Variants in UBR2 observed in about 807,000 individuals in gnomAD.
The protein encoded by UBR2 is E3 ubiquitin-protein ligase UBR2.
UBR2 carries 92 observed loss-of-function variants against 247.9 expected under a neutral mutation model. The ratio of observed to expected loss-of-function variants is 0.37; its 90% CI spans 0.31 to 0.44. UBR2 has a LOEUF of 0.44. Among genes scored for constraint, UBR2 ranks in the 20% least tolerant of loss-of-function variants. The pLI is 1.00. For synonymous variants in UBR2, 672 were observed against 693.5 expected (o/e 0.97, Z 0.49); for missense variants, 1,613 against 2,112.6 (o/e 0.76, Z 4.64).
At chr6:42,576,522 C>CTTT (rs58739895) in intron 2 of UBR2, among the ~76,000 whole-genome samples, 274 of 86,110 alleles carry the variant, frequency 3.2e-3, no homozygotes, top group Non-Finnish European at 4.2e-3. Flanking sequence ...GCCTTTCCCT[C>CTTT]TTTTTTTTTT....
intron 7 of UBR2, among the ~76,000 whole-genome samples, chr6:42,609,509 T>A (rs531369694): frequency 6.6e-6 from 1 of 152,078 alleles, no homozygotes; most frequent in African/African-American, 2.4e-5. Flanking sequence ...AAACTTACTA[T>A]GTTAATATAT....
intron 25 of UBR2, among the ~76,000 whole-genome samples, chr6:42,654,467 G>A (rs1797316191): frequency 6.6e-6 from 1 of 152,198 alleles, no homozygotes; most frequent in Non-Finnish European, 1.5e-5. Context: ...GCTCACCCCT[G>A]TAATCCTAAC....
intron 31 of UBR2, among the ~76,000 whole-genome samples, chr6:42,662,906 G>T (rs1797897073): frequency 6.6e-6 from 1 of 151,742 alleles, no homozygotes; most frequent in African/African-American, 2.4e-5. Flanking sequence ...CTGCACTCCA[G>T]CCTGGGCGAC....
At position 42,692,610 on chromosome 6, in the gene UBR2, A is replaced by G. The variant is rs1562415103; in HGVS notation, c.*1437A>G. 6.6e-6 allele frequency: 1 copy of G among 152,178 alleles called. No homozygotes were observed. The highest frequency in any genetic ancestry group is 1.5e-5 in the Non-Finnish European group (1 of 68,042). The allele number at this position is 152,178 out of a possible 1,614,324, so 9.4% of individuals were successfully genotyped here. On this transcript the variant is annotated 3_prime_UTR_variant, in exon 47 of 47. Coordinates refer to ENST00000372901, the MANE Select transcript of UBR2 (RefSeq NM_001363705.2). ...AAGAGGCTCTTGGATTTTTTTAACC[A>G]ATGCAACTGACCCTTTCAATCAGTT... is the stretch of plus-strand genomic sequence containing the variant.
At chr6:42,677,564 G>A (rs985395192) in intron 40 of UBR2, among the ~76,000 whole-genome samples, 8 of 152,248 alleles carry the variant, frequency 5.3e-5, no homozygotes, top group African/African-American at 1.9e-4. Flanking sequence ...GATTGCTTGA[G>A]CCCAGGCATT....
At chr6:42,583,527 C>CTTTT (rs748195321) in intron 2 of UBR2, among the ~76,000 whole-genome samples, 2 of 128,896 alleles carry the variant, frequency 1.6e-5, no homozygotes, top group Non-Finnish European at 3.3e-5. Flanking sequence ...GATTACAGGG[C>CTTTT]TTTTTTTTTT....
In UBR2 at chr6:42,673,805, G is replaced by A. The variant is rs750129241; in HGVS notation, c.4101G>A (p.Arg1367=). 6 of 1,613,498 alleles carry A rather than the reference G, an allele frequency of 3.7e-6. No individual in the cohort carries two copies. The highest frequency in any genetic ancestry group is 1.3e-5 in the African/African-American group (1 of 74,904). Residue 1367 remains arginine, a synonymous_variant, in exon 37 of 47, where the codon AGG becomes AGA. Transcript: ENST00000372901. The part of the protein sequence containing the change: ...PLPCRLDDCL[R]SLTRFAAAHW... ...GTTTATTTTAGGATGACTGTCTTAG[G>A]TCATTGACGAGATTTGCCGCAGCAC...
At chr6:42,649,065 T>C (rs1373595562) in intron 22 of UBR2, among the ~76,000 whole-genome samples, 1 of 152,196 alleles carries the variant, frequency 6.6e-6, no homozygotes, top group African/African-American at 2.4e-5. Context: ...TCAAGTGCAG[T>C]GGCACGGTCT....
At chr6:42,583,546 G>A (rs1426903698) in intron 2 of UBR2, among the ~76,000 whole-genome samples, 1 of 136,264 alleles carries the variant, frequency 7.3e-6, no homozygotes, top group Non-Finnish European at 1.6e-5. Flanking sequence ...TTTTTTCTCT[G>A]AGACTTGCTC....
rs180822843 is a variant in UBR2, at chr6:42,667,550, G to A, written c.3881+1305G>A. Among the ~76,000 whole-genome samples the A allele has an allele frequency of 1.9e-3, 215 of 115,390 alleles. 1 individual carries two copies. The highest frequency in any genetic ancestry group is 6.1e-3 in the African/African-American group (180 of 29,514). 75.7% of individuals were successfully genotyped at this position (115,390 alleles called of 152,430 possible). ...CTGTGTTTCTGCTGATACAAGTTGC[G>A]TATTAGAATTATATTTCCTTTCTTG... On this transcript the variant is annotated intron_variant, in intron 34 of 46. Coordinates refer to ENST00000372901, the MANE Select transcript of UBR2 (RefSeq NM_001363705.2).
At chr6:42,566,766 C>G (rs1052824589) in intron 1 of UBR2, among the ~76,000 whole-genome samples, 2 of 151,736 alleles carry the variant, frequency 1.3e-5, no homozygotes, top group Admixed American at 6.6e-5. Context: ...GGGTCTTGCA[C>G]TGTTGCCCAG....
At position 42,671,588 on chromosome 6, in the gene UBR2, CATT is replaced by C. The variant is rs552011106; in HGVS notation, c.4086+874_4086+876del. 7.2e-5 allele frequency among the ~76,000 whole-genome samples: 11 copies of C among 152,294 alleles called. No individual in the cohort carries two copies. In the South Asian group the frequency reaches 1.5e-3, roughly 20 times the overall value. On this transcript the variant is annotated intron_variant, in intron 36 of 46. Coordinates refer to ENST00000372901, the MANE Select transcript of UBR2 (RefSeq NM_001363705.2). ...TCTCCTGATTATCATTTTGCGTGGG[CATT>C]TTTTAGCCCTTGTCTTTGAAACCTC...
Position 42,652,471 on chromosome 6 carries a change from A to AATAACAACTGT in UBR2, c.2615-17_2615-7dup. 6.3e-7 allele frequency: 1 copy of AATAACAACTGT among 1,583,860 alleles called. No individual in the cohort carries two copies. Among genetic ancestry groups the AATAACAACTGT allele is most frequent in the South Asian group, 1.2e-5 (1 of 85,368 alleles). ...AGCATGTTCTGTAAAAGAAACCAAT[A>AATAACAACTGT]ATAACAACTGTATTTTCAGCACTCC... On this transcript the variant is annotated intron_variant, in intron 24 of 46. Transcript: ENST00000372901.
At chr6:42,582,168 AG>A (rs1248310441) in intron 2 of UBR2, among the ~76,000 whole-genome samples, 1 of 151,054 alleles carries the variant, frequency 6.6e-6, no homozygotes, top group Non-Finnish European at 1.5e-5. Flanking sequence ...CTGTAGTCCC[AG>A]TTACTCGGGA....
chr6:42,671,502 G>A (rs1798440365), intron 36 of UBR2, among the ~76,000 whole-genome samples: 1 of 151,846 alleles, frequency 6.6e-6, no homozygotes, highest in South Asian at 2.1e-4. Context: ...CCTGCAGTTT[G>A]GCTCCACTTC....
chr6:42,681,775 G>A (rs1190299459), intron 42 of UBR2, among the ~76,000 whole-genome samples: 2 of 152,094 alleles, frequency 1.3e-5, no homozygotes, highest in Non-Finnish European at 2.9e-5. Flanking sequence ...CTGAAAGCAG[G>A]AACTCAGATC....
At chr6:42,652,106 CT>C in intron 24 of UBR2, 35 bp downstream of exon 24, 3 of 1,545,674 alleles carry the variant, frequency 1.9e-6, no homozygotes, top group Admixed American at 4.3e-5. Flanking sequence ...TCTTGCCCAT[CT>C]TTTTTGCTTG....
chr6:42,626,654 C>A (rs954732901), intron 11 of UBR2, among the ~76,000 whole-genome samples: 2 of 152,162 alleles, frequency 1.3e-5, no homozygotes, highest in African/African-American at 4.8e-5. Context: ...CTGCTTCATC[C>A]CCACCCCTGA....
At chr6:42,588,520 C>T (rs1354355702) in intron 2 of UBR2, among the ~76,000 whole-genome samples, 2 of 152,072 alleles carry the variant, frequency 1.3e-5, no homozygotes, top group Non-Finnish European at 2.9e-5. Flanking sequence ...GGAAAAATAG[C>T]CAGGCATAGT....
Sources: gnomAD v4.1 joint callset for allele counts (sites outside exome capture counted in the v4.1 genomes callset) on GRCh38, gnomAD v4.1.1 for gene constraint, MANE v1.5 for transcripts, NCBI Gene and HGNC (gene_info 2026-07-23, HGNC 2026-07-21) for gene names.